Variants in FSIP1 observed in about 807,000 individuals in gnomAD.
FSIP1 encodes the protein fibrous sheath interacting protein 1.
FSIP1 carries 65 observed loss-of-function variants against 60.9 expected under a neutral mutation model. The observed-to-expected ratio is 1.07, with a 90% confidence interval of 0.87 to 1.31. FSIP1 has a LOEUF of 1.31. Ranked by LOEUF, FSIP1 falls within the 40% of genes most tolerant of loss-of-function variation. The probability of loss-of-function intolerance (pLI) is 0.00; values close to 1 mark genes in which losing one functional copy is unlikely to be tolerated. For missense variants in FSIP1, 675 were observed against 665.5 expected (o/e 1.01, Z -0.16); for synonymous variants, 209 against 221.2 (o/e 0.94, Z 0.49).
At chr15:39,776,202 G>GAGGC in intron 2 of FSIP1, among the ~76,000 whole-genome samples, 197 bp downstream of exon 2, 1 of 116,334 alleles carries the variant, frequency 8.6e-6, no homozygotes, top group African/African-American at 3.1e-5. Flanking sequence ...GAGAGAGAGG[G>GAGGC]AGGGAGGGAG....
At chr15:39,680,533 T>C (rs1037415646) in intron 10 of FSIP1, among the ~76,000 whole-genome samples, 1 of 152,196 alleles carries the variant, frequency 6.6e-6, no homozygotes. Context: ...AACTTCTCAG[T>C]CATGATCTTT....
At chr15:39,698,085 A>T (rs895544941) in intron 10 of FSIP1, among the ~76,000 whole-genome samples, 8 of 151,700 alleles carry the variant, frequency 5.3e-5, no homozygotes, top group African/African-American at 1.9e-4. Flanking sequence ...CACTAGCCAC[A>T]TGGGGCAATG....
chr15:39,690,239 G>T (rs1894541729), intron 10 of FSIP1, among the ~76,000 whole-genome samples: 1 of 152,140 alleles, frequency 6.6e-6, no homozygotes, highest in Admixed American at 6.5e-5. Flanking sequence ...AATGGTTACA[G>T]GGCCATTATA....
rs1317867564 is a variant in FSIP1, at chr15:39,765,717, G to T, written c.340C>A (p.Gln114Lys). The part of the protein sequence containing the change: ...DEPKLKELDS[Q>K]LQDAIQKMKK... ...ATCTTCTGAATAGCATCTTGAAGTTGAGAATCTAATTCTTTTAATTTGGGT... is the reference window on the plus strand; with the variant it reads ...ATCTTCTGAATAGCATCTTGAAGTTTAGAATCTAATTCTTTTAATTTGGGT... Residue 114 changes from glutamine to lysine, a missense_variant, in exon 4 of 12, where the codon CAA becomes AAA. Transcript: ENST00000350221. The T allele has an allele frequency of 1.9e-6, 3 of 1,549,246 alleles. No individual in the cohort carries two copies. The Admixed American group carries it at 5.3e-5, about 28-fold the overall frequency.
intron 4 of FSIP1, among the ~76,000 whole-genome samples, chr15:39,765,036 A>G (rs1897632822): frequency 6.6e-6 from 1 of 152,066 alleles, no homozygotes; most frequent in African/African-American, 2.4e-5. Context: ...CCCTGGGGAG[A>G]TGAACACGCC....
intron 10 of FSIP1, among the ~76,000 whole-genome samples, chr15:39,699,304 T>C (rs1331645743): frequency 6.6e-6 from 1 of 152,208 alleles, no homozygotes; most frequent in Admixed American, 6.5e-5. Context: ...ATTATTGCAA[T>C]TTTGTTAGAG....
chr15:39,760,659 A>C (rs906895734), intron 5 of FSIP1, among the ~76,000 whole-genome samples: 3 of 152,216 alleles, frequency 2.0e-5, no homozygotes, highest in Non-Finnish European at 4.4e-5. Context: ...CTGAGGAACT[A>C]TCACAGATTG....
intron 10 of FSIP1, among the ~76,000 whole-genome samples, chr15:39,691,657 A>C (rs1894605588): frequency 6.6e-6 from 1 of 152,226 alleles, no homozygotes; most frequent in African/African-American, 2.4e-5. Context: ...AGATGGCAGA[A>C]GGGGACTGTT....
At chr15:39,604,584 T>C (rs1241137203) in intron 11 of FSIP1, among the ~76,000 whole-genome samples, 3 of 152,240 alleles carry the variant, frequency 2.0e-5, no homozygotes, top group African/African-American at 7.2e-5. Context: ...TAAGGTTTTA[T>C]ATTAAAAAAT....
intron 10 of FSIP1, among the ~76,000 whole-genome samples, chr15:39,671,814 C>T (rs1216444693): frequency 1.3e-5 from 2 of 152,236 alleles, no homozygotes; most frequent in East Asian, 3.9e-4. Context: ...GTGAATAATG[C>T]AAAAATCTCT....
At chr15:39,617,664 A>T in intron 11 of FSIP1, 71 bp downstream of exon 11, 1 of 1,326,730 alleles carries the variant, frequency 7.5e-7, no homozygotes, top group Non-Finnish European at 1.0e-6. Flanking sequence ...ACTCTAATTT[A>T]AACCATAATA....
At chr15:39,736,806 C>T (rs1379213497) in intron 8 of FSIP1, among the ~76,000 whole-genome samples, 1 of 152,154 alleles carries the variant, frequency 6.6e-6, no homozygotes, top group East Asian at 1.9e-4. Context: ...CAGGGCCAAG[C>T]GAGGATGTGG....
intron 10 of FSIP1, among the ~76,000 whole-genome samples, chr15:39,687,253 C>T (rs1277449038): frequency 1.4e-5 from 2 of 138,560 alleles, no homozygotes; most frequent in Non-Finnish European, 3.0e-5. Context: ...CTCCTGGGTT[C>T]AAGCAATTCT....
At chr15:39,736,273 C>T (rs957916981) in intron 8 of FSIP1, among the ~76,000 whole-genome samples, 3 of 152,206 alleles carry the variant, frequency 2.0e-5, no homozygotes, top group Non-Finnish European at 2.9e-5. Flanking sequence ...CTTTCCCCTA[C>T]TTCATCAGCC....
At chr15:39,678,351 CT>C (rs1894027832) in intron 10 of FSIP1, among the ~76,000 whole-genome samples, 1 of 151,908 alleles carries the variant, frequency 6.6e-6, no homozygotes, top group Non-Finnish European at 1.5e-5. Context: ...GATATTTAGT[CT>C]TATAATTCAG....
intron 10 of FSIP1, among the ~76,000 whole-genome samples, chr15:39,677,508 C>T (rs543585750): frequency 2.6e-5 from 4 of 152,084 alleles, no homozygotes; most frequent in African/African-American, 7.2e-5. Flanking sequence ...ATATACCAAG[C>T]ACTTTTAAAA....
intron 10 of FSIP1, among the ~76,000 whole-genome samples, chr15:39,633,681 C>A (rs1416218554): frequency 1.3e-5 from 2 of 152,124 alleles, no homozygotes; most frequent in Non-Finnish European, 2.9e-5. Context: ...TTTGAAGATT[C>A]ATTAGGGATT....
chr15:39,632,720 G>A (rs1441569300), intron 10 of FSIP1, among the ~76,000 whole-genome samples: 4 of 152,076 alleles, frequency 2.6e-5, no homozygotes, highest in Non-Finnish European at 5.9e-5. Flanking sequence ...TTGAACCAGG[G>A]AGTCAGAGGT....
chr15:39,722,501 G>A (rs1033489202), intron 9 of FSIP1, among the ~76,000 whole-genome samples: 4 of 152,018 alleles, frequency 2.6e-5, no homozygotes, highest in South Asian at 4.1e-4. Context: ...TTTCAGCCTC[G>A]TGATACATAA....
Sources: gnomAD v4.1 joint callset for allele counts (sites outside exome capture counted in the v4.1 genomes callset) on GRCh38, gnomAD v4.1.1 for gene constraint, MANE v1.5 for transcripts, NCBI Gene and HGNC (gene_info 2026-07-23, HGNC 2026-07-21) for gene names.